Variants in KIF20B observed in about 807,000 individuals in gnomAD.
KIF20B encodes kinesin-like protein KIF20B.
A neutral mutation model predicts 232.5 loss-of-function variants in KIF20B; 188 were observed. That is an observed-to-expected ratio of 0.81 (90% CI 0.72 to 0.91). KIF20B has a LOEUF of 0.91. KIF20B is among the 40% of genes least tolerant of loss of function. KIF20B has a pLI of 0.00. For missense variants in KIF20B, 2,154 were observed against 2,055.9 expected (o/e 1.05, Z -0.92); for synonymous variants, 712 against 683.0 (o/e 1.04, Z -0.66).
At chr10:89,712,746 G>T (rs892502108) in intron 6 of KIF20B, among the ~76,000 whole-genome samples, 44 of 152,050 alleles carry the variant, frequency 2.9e-4, no homozygotes, top group African/African-American at 9.9e-4. Flanking sequence ...TAAAAATGAA[G>T]TTATACTTGT....
rs777367142 is a variant in KIF20B at position 89,768,328 on chromosome 10, C to T, written c.5028C>T (p.Pro1676=). 26 of 1,589,906 alleles carry T rather than the reference C, an allele frequency of 1.6e-5. No homozygotes were observed. Among genetic ancestry groups the T allele is most frequent in the South Asian group, 9.1e-5 (8 of 87,544 alleles). The part of the protein sequence containing the change: ...VKCENKKNAT[P]RTNLKFPISD... ...GTGAAAATAAGAAGAATGCTACACC[C>T]AGAACTAATTTGAAATTTCCTATTT... Residue 1676 remains proline, a synonymous_variant, in exon 30 of 33, where the codon CCC becomes CCT. Transcript: ENST00000371728.
In KIF20B at chr10:89,729,248, G is replaced by A. The variant is rs1488512918; in HGVS notation, c.2391+1G>A. 2 of 1,479,484 alleles carry A rather than the reference G, an allele frequency of 1.4e-6. No individual in the cohort carries two copies. Among genetic ancestry groups the A allele is most frequent in the East Asian group, 5.1e-5 (2 of 39,094 alleles). The allele number at this position is 1,479,484 out of a possible 1,614,324, so 91.6% of individuals were successfully genotyped here. A position where few individuals can be genotyped will look rare whatever the true frequency, so the allele number is the denominator to read the frequency against. On this transcript the variant is annotated splice_donor_variant, in intron 18 of 32. Transcript: ENST00000371728. LOFTEE classifies it high-confidence loss of function. ...TATGGAAAACACATTTAAATGCAAT[G>A]TAAGAATTTAACCTTGTGTTATATT...
In KIF20B at chr10:89,754,544, TAGAA is replaced by T. The variant is rs749055702; in HGVS notation, c.4380_4383del (p.Lys1460AsnfsTer3). 5.1e-5 allele frequency: 81 copies of T among 1,598,938 alleles called. No individual in the cohort carries two copies. The highest frequency in any genetic ancestry group is 6.3e-5 in the Non-Finnish European group (74 of 1,171,948). On this transcript the variant is annotated frameshift_variant, in exon 26 of 33. Transcript: ENST00000371728. LOFTEE classifies it high-confidence loss of function. Reference sequence around the variant, plus strand: ...AGTCTGAACAGAAATATAATGCTGATAGAAAGAAATGGTTAGAAGAAAAAATGAT... The same window carrying T: ...AGTCTGAACAGAAATATAATGCTGATAGAAATGGTTAGAAGAAAAAATGAT...
Position 89,709,344 on chromosome 10 carries a change from G to A in KIF20B, c.235-1G>A. Reference sequence around the variant, plus strand: ...TTATTTATTGGGGGTATGTTTTCTAGGGCTGTGTGCATATTCTGGATTCAC... The same window carrying A: ...TTATTTATTGGGGGTATGTTTTCTAAGGCTGTGTGCATATTCTGGATTCAC... On this transcript the variant is annotated splice_acceptor_variant, in intron 3 of 32. Transcript: ENST00000371728. LOFTEE classifies it high-confidence loss of function. 2.5e-6 allele frequency: 4 copies of A among 1,610,386 alleles called. No homozygotes were observed. Among genetic ancestry groups the A allele is most frequent in the Non-Finnish European group, 3.4e-6 (4 of 1,177,526 alleles).
chr10:89,714,929 G>A, intron 7 of KIF20B, 26 bp from the exon 8 acceptor site: 1 of 1,369,364 alleles, frequency 7.3e-7, no homozygotes, highest in Non-Finnish European at 1.0e-6. Context: ...TTTCGTGATT[G>A]TTTTTTCTTT....
chr10:89,737,662 G>T lies in KIF20B; in HGVS notation c.2821G>T (p.Asp941Tyr). The change falls in exon 20 of 33, where the codon GAT becomes TAT. Residue 941 changes from aspartate (D) to tyrosine (Y), a missense_variant. Physicochemically the swap from Asp to Tyr is radical, Grantham distance 160. Coordinates refer to ENST00000371728, the MANE Select transcript of KIF20B (RefSeq NM_001284259.2). ...KEVQQIQSNY[D>Y]IAIAELHVQK... ...GGTCCAACAAATTCAGTCAAATTAT[G>T]ATATTGCAATTGCTGAATTACATGT... is the stretch of plus-strand genomic sequence containing the variant. 2 of 1,612,390 alleles carry T rather than the reference G, an allele frequency of 1.2e-6. No individual in the cohort carries two copies. Among genetic ancestry groups the T allele is most frequent in the South Asian group, 2.2e-5 (2 of 90,864 alleles).
chr10:89,738,616 A>G lies in KIF20B; in HGVS notation c.3775A>G (p.Lys1259Glu), dbSNP rs751914239. Residue 1259 changes from lysine to glutamate, a missense_variant and splice_region_variant, in exon 20 of 33, where the codon AAA becomes GAA. Coordinates refer to ENST00000371728, the MANE Select transcript of KIF20B (RefSeq NM_001284259.2). The stretch of plus-strand genomic sequence containing the variant: ...AGAAACCAACAGGCAAGAAACAGAA[A>G]AGTAAGCTAAATGTTATTCAAAATA... ...EEETNRQETE[K>E]LKEELSASSA... 6.5e-7 allele frequency: 1 copy of G among 1,545,074 alleles called. No homozygotes were observed.
In KIF20B at chr10:89,737,508, A is replaced by G; in HGVS notation, c.2667A>G (p.Ala889=). The stretch of plus-strand genomic sequence containing the variant: ...AAGAAAATAATGAAGGACTGAGAGC[A>G]TTTTTACTCACTATTGAGAATGAAC... ...VLQENNEGLR[A]FLLTIENELK... Residue 889 remains alanine, a synonymous_variant, in exon 20 of 33, where the codon GCA becomes GCG. Coordinates refer to ENST00000371728, the MANE Select transcript of KIF20B (RefSeq NM_001284259.2). 6.2e-7 allele frequency: 1 copy of G among 1,610,826 alleles called. No homozygotes were observed. Among genetic ancestry groups the G allele is most frequent in the Non-Finnish European group, 8.5e-7 (1 of 1,178,288 alleles).
chr10:89,705,822 T>G (rs1842710987), intron 2 of KIF20B, among the ~76,000 whole-genome samples: 1 of 152,214 alleles, frequency 6.6e-6, no homozygotes, highest in South Asian at 2.1e-4. Flanking sequence ...TGGATTGGCA[T>G]GATGTTTTTG....
rs566145851 is a variant in KIF20B at position 89,747,213 on chromosome 10, A to C, written c.4096+1254A>C. Reference sequence around the variant, plus strand: ...ATCATCTCACACCAGTTAGAATGGCAATCATTAAAAAGTCAGGAAACAACA... The same window carrying C: ...ATCATCTCACACCAGTTAGAATGGCCATCATTAAAAAGTCAGGAAACAACA... On this transcript the variant is annotated intron_variant, in intron 23 of 32. Coordinates refer to ENST00000371728, the MANE Select transcript of KIF20B (RefSeq NM_001284259.2). 3.0e-4 allele frequency among the ~76,000 whole-genome samples: 45 copies of C among 152,284 alleles called. No homozygotes were observed. In the East Asian group the frequency reaches 8.7e-3, roughly 29 times the overall value.
intron 9 of KIF20B, 68 bp downstream of exon 9, chr10:89,716,615 C>T: frequency 2.6e-6 from 2 of 778,700 alleles, no homozygotes; most frequent in East Asian, 2.7e-5. Context: ...TTAAACACAG[C>T]TAATTTTACA....
In KIF20B at chr10:89,737,282, A is replaced by G. The variant is rs1051260613; in HGVS notation, c.2546-105A>G. On this transcript the variant is annotated intron_variant, in intron 19 of 32. Coordinates refer to ENST00000371728, the MANE Select transcript of KIF20B (RefSeq NM_001284259.2). ...TATTTCATTTTTTTTTTTTAATTAG[A>G]AGTTTACTTTTACATGTTTTGTATG... The G allele has an allele frequency of 1.9e-5, 22 of 1,151,296 alleles. No individual in the cohort carries two copies. In the Admixed American group the frequency reaches 7.5e-4, roughly 39 times the overall value. The allele number at this position is 1,151,296 out of a possible 1,614,324, so 71.3% of individuals were successfully genotyped here.
At chr10:89,709,302 T>A in intron 3 of KIF20B, 43 bp from the exon 4 acceptor site, 1 of 1,587,848 alleles carries the variant, frequency 6.3e-7, no homozygotes, top group Non-Finnish European at 8.6e-7. Context: ...TCATTTAAAA[T>A]GGCAAAATAC....
At chr10:89,769,064 G>A (rs1842418437) in intron 31 of KIF20B, among the ~76,000 whole-genome samples, 176 bp downstream of exon 31, 4 of 151,950 alleles carry the variant, frequency 2.6e-5, no homozygotes, top group African/African-American at 7.2e-5. Context: ...CTAGGTGTTC[G>A]CTATGTAGTA....
At chr10:89,704,347 G>A (rs1447918574) in intron 1 of KIF20B, among the ~76,000 whole-genome samples, 1 of 152,062 alleles carries the variant, frequency 6.6e-6, no homozygotes, top group Non-Finnish European at 1.5e-5. Context: ...ATATTAGAAT[G>A]TTAGTATTTT....
intron 19 of KIF20B, among the ~76,000 whole-genome samples, chr10:89,736,110 A>G: frequency 6.6e-6 from 1 of 152,140 alleles, no homozygotes; most frequent in Non-Finnish European, 1.5e-5. Flanking sequence ...TAAAAATTGT[A>G]CCAGAACAAT....
chr10:89,723,453 T>C (rs1476457240), intron 13 of KIF20B: 3 of 152,270 alleles, frequency 2.0e-5, no homozygotes, highest in African/African-American at 7.2e-5. Flanking sequence ...TAAGTTTATG[T>C]AACATCTTTA....
At chr10:89,712,050 A>G (rs1435467353) in intron 6 of KIF20B, among the ~76,000 whole-genome samples, 1 of 151,868 alleles carries the variant, frequency 6.6e-6, no homozygotes, top group African/African-American at 2.4e-5. Context: ...TTAGTTGATT[A>G]GTACATCTTA....
intron 11 of KIF20B, 121 bp from the exon 12 acceptor site, chr10:89,718,589 A>G (rs550280557): frequency 2.8e-6 from 2 of 721,306 alleles, no homozygotes; most frequent in East Asian, 2.7e-5. Flanking sequence ...GAAACTAATC[A>G]CTACCCTAAA....
Sources: gnomAD v4.1 joint callset for allele counts (sites outside exome capture counted in the v4.1 genomes callset) on GRCh38, gnomAD v4.1.1 for gene constraint, MANE v1.5 for transcripts, NCBI Gene and HGNC (gene_info 2026-07-23, HGNC 2026-07-21) for gene names.